CDH9: variants seen among roughly 807,000 people sequenced by gnomAD.
CDH9 encodes the protein cadherin-9.
A neutral mutation model predicts 70.9 loss-of-function variants in CDH9; 28 were observed. The observed-to-expected ratio is 0.40, with a 90% CI of 0.29 to 0.54. CDH9 has a LOEUF of 0.54. Among genes scored for constraint, CDH9 ranks in the 20% least tolerant of loss-of-function variants. CDH9 has a pLI of 0.59. For synonymous variants in CDH9, 409 were observed against 343.1 expected (o/e 1.19, Z -2.12); for missense variants, 874 against 984.4 (o/e 0.89, Z 1.50).
At chr5:27,030,281 C>T (rs1309402464) in intron 1 of CDH9, among the ~76,000 whole-genome samples, 11 of 151,838 alleles carry the variant, frequency 7.2e-5, no homozygotes, top group Non-Finnish European at 2.9e-5. Context: ...TAAAGCTGAT[C>T]ATAAAATACA....
chr5:26,959,679 T>C (rs1182020947), intron 2 of CDH9, among the ~76,000 whole-genome samples: 3 of 151,972 alleles, frequency 2.0e-5, no homozygotes, highest in Non-Finnish European at 2.9e-5. Context: ...ACCTTAAAAA[T>C]AAAGTACTGA....
At chr5:27,038,109 C>T (rs1365118660) in intron 1 of CDH9, among the ~76,000 whole-genome samples, 2 of 151,890 alleles carry the variant, frequency 1.3e-5, no homozygotes, top group Non-Finnish European at 2.9e-5. Context: ...TACATGAACA[C>T]ATAAATATGT....
intron 1 of CDH9, among the ~76,000 whole-genome samples, chr5:27,020,037 T>C (rs1478563888): frequency 3.9e-5 from 6 of 151,972 alleles, no homozygotes; most frequent in African/African-American, 1.2e-4. Flanking sequence ...ACTTATATTC[T>C]TTGTTCTGAC....
intron 1 of CDH9, among the ~76,000 whole-genome samples, chr5:26,998,639 G>T (rs1053841803): frequency 6.6e-6 from 1 of 152,030 alleles, no homozygotes; most frequent in Non-Finnish European, 1.5e-5. Flanking sequence ...TAAATGATGA[G>T]TTACTGGGTG....
chr5:27,017,925 T>TTA (rs1743074271), intron 1 of CDH9, among the ~76,000 whole-genome samples: 1 of 151,880 alleles, frequency 6.6e-6, no homozygotes, highest in Admixed American at 6.6e-5. Flanking sequence ...ATTGTTTTTT[T>TTA]ATTTTCTCAT....
At chr5:26,929,038 C>A (rs1741394934) in intron 2 of CDH9, among the ~76,000 whole-genome samples, 1 of 151,900 alleles carries the variant, frequency 6.6e-6, no homozygotes, top group Non-Finnish European at 1.5e-5. Flanking sequence ...AAGAAACAAT[C>A]AACAAAGCAA....
intron 1 of CDH9, among the ~76,000 whole-genome samples, chr5:27,035,539 G>A (rs1743376404): frequency 1.3e-5 from 2 of 151,660 alleles, no homozygotes; most frequent in Admixed American, 6.6e-5. Flanking sequence ...TATTTAGCAT[G>A]CTTTCTTCTT....
chr5:26,938,751 A>G (rs1044849681), intron 2 of CDH9, among the ~76,000 whole-genome samples: 3 of 152,068 alleles, frequency 2.0e-5, no homozygotes, highest in Admixed American at 2.0e-4. Flanking sequence ...TATTCATGCA[A>G]CCCAATACTG....
intron 1 of CDH9, among the ~76,000 whole-genome samples, chr5:27,026,695 G>GA (rs997514582): frequency 2.0e-5 from 3 of 151,290 alleles, no homozygotes; most frequent in Non-Finnish European, 3.0e-5. Context: ...CTTGACTATA[G>GA]AAAAAAAATT....
At chr5:26,959,860 C>G (rs1056743961) in intron 2 of CDH9, among the ~76,000 whole-genome samples, 1 of 151,374 alleles carries the variant, frequency 6.6e-6, no homozygotes, top group South Asian at 2.1e-4. Context: ...TGTCAGTGTT[C>G]GGGAACTGGG....
intron 2 of CDH9, among the ~76,000 whole-genome samples, chr5:26,923,941 C>CA (rs1233489989): frequency 2.0e-5 from 3 of 151,756 alleles, no homozygotes; most frequent in Non-Finnish European, 4.4e-5. Context: ...GCACTTATAT[C>CA]AAAAAAGTAG....
chr5:26,893,872 CA>C (rs1740703021), intron 7 of CDH9, among the ~76,000 whole-genome samples: 1 of 151,992 alleles, frequency 6.6e-6, no homozygotes, highest in Non-Finnish European at 1.5e-5. Flanking sequence ...TAACATGAAA[CA>C]AAATATTATG....
chr5:26,914,506 TA>T (rs1741115108), intron 3 of CDH9, among the ~76,000 whole-genome samples: 1 of 152,048 alleles, frequency 6.6e-6, no homozygotes. Flanking sequence ...TCTAATTTGA[TA>T]AATTCCTTTT....
intron 1 of CDH9, among the ~76,000 whole-genome samples, chr5:27,035,023 T>C (rs547244560): frequency 3.4e-5 from 5 of 148,600 alleles, no homozygotes; most frequent in South Asian, 2.1e-4. Context: ...TCTATACAAC[T>C]CTATCTATCT....
At chr5:26,939,187 C>T (rs1275164492) in intron 2 of CDH9, among the ~76,000 whole-genome samples, 1 of 151,568 alleles carries the variant, frequency 6.6e-6, no homozygotes, top group Non-Finnish European at 1.5e-5. Context: ...TATTTTTAAA[C>T]TTAATCTATT....
intron 2 of CDH9, among the ~76,000 whole-genome samples, chr5:26,929,828 G>A (rs888950198): frequency 4.6e-5 from 7 of 151,932 alleles, no homozygotes; most frequent in African/African-American, 1.7e-4. Context: ...GTAGAATGAT[G>A]GTTACCAGAG....
chr5:26,931,118 GT>G (rs775708847), intron 2 of CDH9, among the ~76,000 whole-genome samples: 2 of 152,234 alleles, frequency 1.3e-5, no homozygotes. Context: ...TAAATTCACT[GT>G]TTTTAGAAAT....
intron 2 of CDH9, among the ~76,000 whole-genome samples, chr5:26,985,863 T>G (rs770756011): frequency 5.9e-5 from 9 of 152,144 alleles, no homozygotes; most frequent in Middle Eastern, 3.2e-3. Context: ...AGAACTCATA[T>G]GTTTGACTAA....
At chr5:27,036,750 C>T (rs1217783506) in intron 1 of CDH9, among the ~76,000 whole-genome samples, 2 of 151,626 alleles carry the variant, frequency 1.3e-5, no homozygotes, top group African/African-American at 4.8e-5. Context: ...TTTCAAAACA[C>T]ATATAGAGAT....
Sources: allele counts gnomAD v4.1 joint callset (sites outside exome capture counted in the v4.1 genomes callset), GRCh38; gene constraint gnomAD v4.1.1; transcripts MANE v1.5; gene names NCBI Gene and HGNC (gene_info 2026-07-23, HGNC 2026-07-21).